The following CFAP299 variants were observed in gnomAD, a reference collection of about 807,000 sequenced individuals.
CFAP299 encodes the protein cilia- and flagella-associated protein 299.
CFAP299 carries 21 observed loss-of-function variants against 27.0 expected under a neutral mutation model. That is an observed-to-expected ratio of 0.78 (90% CI 0.55 to 1.12). CFAP299 has a LOEUF of 1.12. Ranked by LOEUF, CFAP299 falls within the 50% of genes most tolerant of loss-of-function variation. The pLI, the probability that CFAP299 is intolerant of heterozygous loss-of-function variation, is 0.00. For missense variants in CFAP299, 310 were observed against 276.6 expected (o/e 1.12, Z -0.86); for synonymous variants, 104 against 98.1 (o/e 1.06, Z -0.36).
chr4:80,873,057 A>T (rs1262356708), intron 4 of CFAP299: 1 of 944,806 alleles, frequency 1.1e-6, no homozygotes, highest in African/African-American at 1.8e-5. Context: ...GGAAGTCATA[A>T]ATATACTGTC....
At chr4:80,749,019 T>C (rs898648057) in intron 3 of CFAP299, among the ~76,000 whole-genome samples, 1 of 152,174 alleles carries the variant, frequency 6.6e-6, no homozygotes, top group Non-Finnish European at 1.5e-5. Flanking sequence ...GTGTGATAGG[T>C]TTTTTTCTCT....
intron 3 of CFAP299, among the ~76,000 whole-genome samples, chr4:80,860,408 C>T (rs930250937): frequency 2.0e-5 from 3 of 152,208 alleles, no homozygotes; most frequent in Admixed American, 6.5e-5. Flanking sequence ...TCTCTCAACT[C>T]GTCAAAGTCA....
chr4:80,370,911 C>T (rs529316928), intron 2 of CFAP299, among the ~76,000 whole-genome samples: 1 of 152,354 alleles, frequency 6.6e-6, no homozygotes, highest in Non-Finnish European at 1.5e-5. Context: ...CCCAGTGGGG[C>T]CTCTGTGTGA....
At chr4:80,541,316 G>T (rs1182888651) in intron 2 of CFAP299, among the ~76,000 whole-genome samples, 1 of 152,094 alleles carries the variant, frequency 6.6e-6, no homozygotes, top group African/African-American at 2.4e-5. Flanking sequence ...CTTCATTGTG[G>T]TTAGTAATTC....
intron 1 of CFAP299, among the ~76,000 whole-genome samples, chr4:80,351,942 ATAATTT>A (rs1723034566): frequency 6.6e-6 from 1 of 150,992 alleles, no homozygotes; most frequent in African/African-American, 2.4e-5. Flanking sequence ...ACATTAATAG[ATAATTT>A]TAAATAGATT....
Position 80,938,764 on chromosome 4 carries a change from T to C in CFAP299, c.477-6046T>C, listed in dbSNP as rs373232154. Reference sequence around the variant, plus strand: ...AGTTTTATACTTTTATGTTTTCATGTTTTTACTGAGTGTTCTTTTGTTTTA... The same window carrying C: ...AGTTTTATACTTTTATGTTTTCATGCTTTTACTGAGTGTTCTTTTGTTTTA... On this transcript the variant is annotated intron_variant, in intron 4 of 5. Transcript: ENST00000358105. Among the ~76,000 whole-genome samples the C allele has an allele frequency of 4.1e-3, 617 of 152,314 alleles. 1 individual carries two copies. Among genetic ancestry groups the C allele is most frequent in the Middle Eastern group, 0.014 (4 of 294 alleles).
At chr4:80,388,416 C>A in intron 2 of CFAP299, 1 of 763,388 alleles carries the variant, frequency 1.3e-6, no homozygotes. Context: ...GTGGGTGCTG[C>A]CGAAGGTGTG....
Position 80,622,238 on chromosome 4 carries a change from G to A in CFAP299, c.333+39055G>A, listed in dbSNP as rs79177726. Among the ~76,000 whole-genome samples the A allele has an allele frequency of 6.5e-3, 989 of 152,260 alleles. 13 individuals carry two copies. Among genetic ancestry groups the A allele is most frequent in the African/African-American group, 0.023 (947 of 41,564 alleles). Reference sequence around the variant, plus strand: ...ATTGGGAGAGCTTGCAATAGTCCAGGTAAGAGGATGTGAGATGAATGAAGT... The same window carrying A: ...ATTGGGAGAGCTTGCAATAGTCCAGATAAGAGGATGTGAGATGAATGAAGT... On this transcript the variant is annotated intron_variant, in intron 3 of 5. Coordinates refer to ENST00000358105, the MANE Select transcript of CFAP299 (RefSeq NM_152770.3).
intron 3 of CFAP299, among the ~76,000 whole-genome samples, chr4:80,667,520 G>A (rs140398588): frequency 6.6e-6 from 1 of 151,684 alleles, no homozygotes; most frequent in Non-Finnish European, 1.5e-5. Context: ...CTGTCCTCTG[G>A]TCACCACCAA....
At position 80,458,064 on chromosome 4, in the gene CFAP299, C is replaced by T. The variant is rs549354251; in HGVS notation, c.242+95180C>T. ...CATCCTTCACCATTTTTTTGATTCT[C>T]ACAGCTCTGAATGCTCAGTTTTTAG... On this transcript the variant is annotated intron_variant, in intron 2 of 5. Transcript: ENST00000358105. Among the ~76,000 whole-genome samples the T allele has an allele frequency of 5.0e-4, 76 of 152,008 alleles. 1 individual carries two copies. Among genetic ancestry groups the T allele is most frequent in the African/African-American group, 1.8e-3 (73 of 41,486 alleles).
intron 3 of CFAP299, among the ~76,000 whole-genome samples, chr4:80,698,767 C>G (rs1333179364): frequency 6.6e-6 from 1 of 152,104 alleles, no homozygotes; most frequent in African/African-American, 2.4e-5. Flanking sequence ...TGGCAGCAGG[C>G]CAAGAGAGCA....
At chr4:80,401,770 T>C (rs1726175123) in intron 2 of CFAP299, among the ~76,000 whole-genome samples, 1 of 152,110 alleles carries the variant, frequency 6.6e-6, no homozygotes, top group Non-Finnish European at 1.5e-5. Flanking sequence ...CCCAGAATCG[T>C]AGATCCACAG....
intron 2 of CFAP299, among the ~76,000 whole-genome samples, chr4:80,556,499 A>G (rs1035821153): frequency 6.6e-6 from 1 of 152,024 alleles, no homozygotes; most frequent in Non-Finnish European, 1.5e-5. Context: ...TGAACAACAC[A>G]TCTATAAATA....
chr4:80,781,058 T>C (rs1403248222), intron 3 of CFAP299, among the ~76,000 whole-genome samples: 2 of 151,974 alleles, frequency 1.3e-5, no homozygotes, highest in Non-Finnish European at 1.5e-5. Context: ...ATTTTTTATA[T>C]GTAATCAGGG....
chr4:80,497,035 C>T (rs969969458), intron 2 of CFAP299, among the ~76,000 whole-genome samples: 1 of 152,154 alleles, frequency 6.6e-6, no homozygotes, highest in Non-Finnish European at 1.5e-5. Flanking sequence ...CTCCCATAAT[C>T]CAGTCACCTC....
At chr4:80,777,375 G>A (rs1578114231) in intron 3 of CFAP299, among the ~76,000 whole-genome samples, 1 of 152,114 alleles carries the variant, frequency 6.6e-6, no homozygotes, top group African/African-American at 2.4e-5. Context: ...ACATTGGATT[G>A]TTTGACACTC....
chr4:80,525,335 C>T (rs926392202), intron 2 of CFAP299, among the ~76,000 whole-genome samples: 1 of 152,074 alleles, frequency 6.6e-6, no homozygotes, highest in Non-Finnish European at 1.5e-5. Flanking sequence ...CATGCAACGC[C>T]TGTGAATTTC....
intron 3 of CFAP299, among the ~76,000 whole-genome samples, chr4:80,618,265 T>TA (rs1350808455): frequency 1.3e-5 from 2 of 152,092 alleles, no homozygotes; most frequent in Non-Finnish European, 1.5e-5. Flanking sequence ...AGGTAAGAGA[T>TA]ACAGTATAAA....
In CFAP299 at chr4:80,664,399, A is replaced by G. The variant is rs1406006571; in HGVS notation, c.333+81216A>G. Among the ~76,000 whole-genome samples, 6 of 152,008 alleles carry G rather than the reference A, an allele frequency of 3.9e-5. No individual in the cohort carries two copies. In the East Asian group the frequency reaches 9.7e-4, roughly 24 times the overall value. On this transcript the variant is annotated intron_variant, in intron 3 of 5. Transcript: ENST00000358105. ...AGAGAGGATCTTTATCTATAAGCCC[A>G]TGACTGGGGTTGCTGCCTTTCTTTC...
Sources: allele counts gnomAD v4.1 joint callset (sites outside exome capture counted in the v4.1 genomes callset), GRCh38; gene constraint gnomAD v4.1.1; transcripts MANE v1.5; gene names NCBI Gene and HGNC (gene_info 2026-07-23, HGNC 2026-07-21).